NUP210: variants seen among roughly 807,000 people sequenced by gnomAD.
NUP210 encodes the protein nuclear pore membrane glycoprotein 210.
Under a neutral mutation model 196.0 loss-of-function variants are expected in NUP210, and 151 were observed. The ratio of observed to expected loss-of-function variants is 0.77; its 90% confidence interval spans 0.67 to 0.88. The LOEUF is 0.88. Ranked by LOEUF, NUP210 falls within the 40% of genes least tolerant of loss-of-function variation. The pLI is 0.00. For synonymous variants in NUP210, 1,070 were observed against 1,052.7 expected, an observed-to-expected ratio of 1.02 and a Z score of -0.32; for missense variants, 2,314 against 2,493.7, an observed-to-expected ratio of 0.93 and a Z score of 1.53.
intron 1 of NUP210, among the ~76,000 whole-genome samples, chr3:13,402,047 T>G (rs1392044913): frequency 1.3e-5 from 2 of 152,006 alleles, no homozygotes; most frequent in Non-Finnish European, 2.9e-5. Flanking sequence ...AAAATTTTTT[T>G]AATTAGCCAG....
At position 13,339,986 on chromosome 3, in the gene NUP210, G is replaced by A. The variant is rs1697394148; in HGVS notation, c.3339C>T (p.Ser1113=). ...CCAGCGCAACGCTCTCATTGCTGAT[G>A]GAGAAAAGGATGTTGGACTGAGGCT... The part of the protein sequence containing the change: ...GPQPQSNILF[S]ISNESVALVS... Residue 1113 remains serine (S), a synonymous_variant, in exon 25 of 40, where the codon TCC becomes TCT. Coordinates refer to ENST00000254508, the MANE Select transcript of NUP210 (RefSeq NM_024923.4). 1.2e-6 allele frequency: 2 copies of A among 1,613,936 alleles called. No homozygotes were observed. Among genetic ancestry groups the A allele is most frequent in the Non-Finnish European group, 1.7e-6 (2 of 1,180,038 alleles).
At chr3:13,394,777 A>G (rs1699598979) in intron 3 of NUP210, among the ~76,000 whole-genome samples, 3 of 152,222 alleles carry the variant, frequency 2.0e-5, no homozygotes, top group Non-Finnish European at 4.4e-5. Context: ...GACATTCATC[A>G]ATACAGATAA....
chr3:13,344,865 T>A (rs1697659684), intron 20 of NUP210: 1 of 936,770 alleles, frequency 1.1e-6, no homozygotes. Context: ...CTCCACCTGC[T>A]GGCTCCAAGT....
In NUP210 at chr3:13,343,158, A is replaced by G; in HGVS notation, c.2964+17T>C. ...GCAGGTCAGCCGAGGGTGCCCCGTC[A>G]TGAAGCTTCCACTGACCTTGTCAAC... On this transcript the variant is annotated intron_variant, in intron 21 of 39. Transcript: ENST00000254508. The G allele has an allele frequency of 6.2e-7, 1 of 1,613,846 alleles. No individual in the cohort carries two copies. The highest frequency in any genetic ancestry group is 8.5e-7 in the Non-Finnish European group (1 of 1,179,810).
intron 32 of NUP210, 114 bp from the exon 33 acceptor site, chr3:13,326,045 G>T (rs1018177233): frequency 5.1e-6 from 7 of 1,379,480 alleles, no homozygotes; most frequent in African/African-American, 1.4e-5. Flanking sequence ...ACCCCCATGG[G>T]GGCTCACTCA....
chr3:13,368,261 G>A (rs906969136), intron 13 of NUP210, among the ~76,000 whole-genome samples: 2 of 151,962 alleles, frequency 1.3e-5, no homozygotes, highest in African/African-American at 4.8e-5. Flanking sequence ...TTTTTTTGTA[G>A]AGGCAAGGTC....
At position 13,323,368 on chromosome 3, in the gene NUP210, T is replaced by C; in HGVS notation, c.4709A>G (p.Gln1570Arg). Residue 1570 changes from glutamine (Q) to arginine (R), a missense_variant, in exon 34 of 40, where the codon CAG (glutamine) becomes CGG (arginine). Gln to Arg is a conservative substitution (Grantham distance 43, BLOSUM62 1). Coordinates refer to ENST00000254508, the MANE Select transcript of NUP210 (RefSeq NM_024923.4). This position sits in a 1 kb window ranked among gnomAD's most constrained non-coding sequence, Gnocchi z 4.3. ...AATCACTTTGGAGGCTGTAGCCTCC[T>C]GGAAGCTGGTCTGGATGGGGTGGAG... ...RHLHPIQTSF[Q>R]EATASKVIVA... 1.9e-6 allele frequency: 3 copies of C among 1,614,080 alleles called. No homozygotes were observed. The highest frequency in any genetic ancestry group is 2.5e-6 in the Non-Finnish European group (3 of 1,179,938).
intron 2 of NUP210, 27 bp from the exon 3 acceptor site, chr3:13,397,515 C>T (rs1350987560): frequency 1.3e-6 from 2 of 1,555,512 alleles, no homozygotes; most frequent in African/African-American, 2.8e-5. Context: ...AAGGGGTCAG[C>T]ACCAAAGACA....
intron 9 of NUP210, 108 bp from the exon 10 acceptor site, chr3:13,376,539 G>A: frequency 1.7e-6 from 2 of 1,202,706 alleles, no homozygotes; most frequent in Admixed American, 4.2e-5. Context: ...GCCAGGCCAA[G>A]GGGCCCCCTG....
rs368648804 is a variant in NUP210, at chr3:13,340,073, T to C, written c.3292-40A>G. On this transcript the variant is annotated intron_variant, in intron 24 of 39. Transcript: ENST00000254508. This position sits in a 1 kb window ranked among gnomAD's most constrained non-coding sequence, Gnocchi z 4.0. ...AACAGCGGCGTGTCAGTGCCCGTCA[T>C]GCCAGGCAGCCCGCACCTCCCACTC... 115 of 1,606,790 alleles carry C rather than the reference T, an allele frequency of 7.2e-5. 1 individual carries two copies. The highest frequency in any genetic ancestry group is 9.4e-5 in the Non-Finnish European group (110 of 1,175,182).
At chr3:13,385,317 C>T (rs1373893554) in intron 6 of NUP210, among the ~76,000 whole-genome samples, 2 of 152,228 alleles carry the variant, frequency 1.3e-5, no homozygotes, top group African/African-American at 4.8e-5. Flanking sequence ...CTGGCAAACT[C>T]ACCTGACTGA....
chr3:13,381,318 T>C (rs1184295010), intron 6 of NUP210, among the ~76,000 whole-genome samples: 1 of 152,168 alleles, frequency 6.6e-6, no homozygotes, highest in Non-Finnish European at 1.5e-5. Flanking sequence ...GGGACTTACA[T>C]AGCACAGATG....
At chr3:13,401,258 T>TTAAAAAAA in intron 1 of NUP210, among the ~76,000 whole-genome samples, 2 of 16,506 alleles carry the variant, frequency 1.2e-4, no homozygotes, top group Non-Finnish European at 2.1e-4. Context: ...AGACTCTGGC[T>TTAAAAAAA]CAAAAAAAAA....
intron 20 of NUP210, among the ~76,000 whole-genome samples, chr3:13,345,487 G>C (rs1228349926): frequency 6.6e-6 from 1 of 152,226 alleles, no homozygotes; most frequent in Non-Finnish European, 1.5e-5. Context: ...GGAGGAGGGA[G>C]AGTGGACAAA....
intron 1 of NUP210, among the ~76,000 whole-genome samples, chr3:13,419,165 GA>G (rs902283144): frequency 6.6e-6 from 1 of 150,578 alleles, no homozygotes; most frequent in African/African-American, 2.5e-5. Flanking sequence ...TCTTGAAACA[GA>G]AATAAAGGGA....
chr3:13,381,965 C>G (rs901387272), intron 6 of NUP210, among the ~76,000 whole-genome samples: 2 of 152,118 alleles, frequency 1.3e-5, no homozygotes, highest in Non-Finnish European at 2.9e-5. Flanking sequence ...CTGACCTCAG[C>G]CCCTGCTCAA....
At position 13,319,304 on chromosome 3, in the gene NUP210, T is replaced by C; in HGVS notation, c.5405A>G (p.His1802Arg). 1 of 1,611,840 alleles carries C rather than the reference T, an allele frequency of 6.2e-7. No individual in the cohort carries two copies. Among genetic ancestry groups the C allele is most frequent in the African/African-American group, 1.3e-5 (1 of 75,004 alleles). The change falls in exon 38 of 40, where the codon CAC (histidine) becomes CGC (arginine). Residue 1802 changes from histidine (H) to arginine (R), a missense_variant. By Grantham distance (29) the His-to-Arg change is conservative (BLOSUM62 0). Transcript: ENST00000254508. Reference sequence around the variant, plus strand: ...CATGACCTGGTAGGAATCCAGGAAGTGCTGGAAGAGGCTGGCTCCATCTGC... The same window carrying C: ...CATGACCTGGTAGGAATCCAGGAAGCGCTGGAAGAGGCTGGCTCCATCTGC... ...PGPYGASLFQ[H>R]FLDSYQVMFF...
intron 4 of NUP210, 128 bp downstream of exon 4, chr3:13,391,083 G>C (rs954182307): frequency 1.5e-6 from 1 of 664,376 alleles, no homozygotes; most frequent in Non-Finnish European, 2.7e-6. Context: ...GGAATGTTAC[G>C]GGCATCCTAG....
chr3:13,359,266 A>G (rs1189854494), intron 15 of NUP210, among the ~76,000 whole-genome samples: 1 of 152,206 alleles, frequency 6.6e-6, no homozygotes, highest in Non-Finnish European at 1.5e-5. Flanking sequence ...CAGCCCTGAG[A>G]GGGGACAGGG....
Sources: gnomAD v4.1 joint callset for allele counts (sites outside exome capture counted in the v4.1 genomes callset) on GRCh38, gnomAD v4.1.1 for gene constraint, Gnocchi (gnomAD v3.1) non-coding constraint, MANE v1.5 for transcripts, NCBI Gene and HGNC (gene_info 2026-07-23, HGNC 2026-07-21) for gene names.